RASGRP3: variants seen among roughly 807,000 people sequenced by gnomAD.
RASGRP3 encodes the protein RAS guanyl releasing protein 3.
Under a neutral mutation model 82.7 loss-of-function variants are expected in RASGRP3, and 54 were observed. That is an observed-to-expected ratio of 0.65 (90% confidence interval 0.52 to 0.82). RASGRP3 has a LOEUF of 0.82. Ranked by LOEUF, RASGRP3 falls within the 40% of genes least tolerant of loss-of-function variation. The probability of loss-of-function intolerance (pLI) is 0.00; values close to 1 mark genes in which losing one functional copy is unlikely to be tolerated. For synonymous variants in RASGRP3, 309 were observed against 300.5 expected (o/e 1.03, Z -0.29); for missense variants, 861 against 828.9 (o/e 1.04, Z -0.48).
intron 2 of RASGRP3, among the ~76,000 whole-genome samples, chr2:33,454,750 A>G (rs1665955431): frequency 6.6e-6 from 1 of 152,206 alleles, no homozygotes; most frequent in Non-Finnish European, 1.5e-5. Context: ...AGGCAGACAT[A>G]TTACACTTGA....
intron 9 of RASGRP3, among the ~76,000 whole-genome samples, chr2:33,525,593 T>C (rs1672467720): frequency 6.8e-6 from 1 of 147,682 alleles, no homozygotes; most frequent in Admixed American, 7.0e-5. Flanking sequence ...TCAGGCGTGG[T>C]GGCTCACACC....
chr2:33,444,941 A>G (rs1179004006), intron 1 of RASGRP3, among the ~76,000 whole-genome samples: 1 of 152,262 alleles, frequency 6.6e-6, no homozygotes. Context: ...CATTATAGAC[A>G]TTATGCTCCT....
At chr2:33,440,880 C>G (rs1463796055) in intron 1 of RASGRP3, among the ~76,000 whole-genome samples, 3 of 151,740 alleles carry the variant, frequency 2.0e-5, no homozygotes, top group African/African-American at 7.3e-5. Context: ...GACATTAGAT[C>G]TCCAAACTTG....
At chr2:33,476,355 C>T (rs1433286007), upstream of RASGRP3, 1 of 152,228 alleles carries the variant, frequency 6.6e-6, no homozygotes, top group East Asian at 1.9e-4. Context: ...CACACACACA[C>T]GCAAACACAT....
At chr2:33,489,402 G>C (rs894769498) in intron 1 of RASGRP3, among the ~76,000 whole-genome samples, 1 of 152,166 alleles carries the variant, frequency 6.6e-6, no homozygotes, top group Admixed American at 6.5e-5. Context: ...CAAATGGCCA[G>C]TCCTTCAGAA....
intron 1 of RASGRP3, among the ~76,000 whole-genome samples, chr2:33,479,992 G>T (rs1667744798): frequency 6.6e-6 from 1 of 151,874 alleles, no homozygotes; most frequent in Non-Finnish European, 1.5e-5. Flanking sequence ...AGGTCGTTCT[G>T]GCAAGATTAC....
chr2:33,536,770 ATCCCT>A (rs963714697), intron 11 of RASGRP3, among the ~76,000 whole-genome samples: 6 of 152,124 alleles, frequency 3.9e-5, no homozygotes, highest in African/African-American at 1.4e-4. Flanking sequence ...AGTTCCCTGG[ATCCCT>A]TCACTGAGAC....
At chr2:33,475,595 G>C (rs1295512326), upstream of RASGRP3, among the ~76,000 whole-genome samples, 1 of 152,138 alleles carries the variant, frequency 6.6e-6, no homozygotes, top group Non-Finnish European at 1.5e-5. Flanking sequence ...TGAAGGGCAG[G>C]CTCAGACACT....
At chr2:33,520,819 G>A in intron 6 of RASGRP3, 135 bp downstream of exon 6, 2 of 1,226,230 alleles carry the variant, frequency 1.6e-6, no homozygotes, top group Non-Finnish European at 2.3e-6. Context: ...CCTTGCTGCA[G>A]TGAGCGCAAG....
chr2:33,441,240 T>G (rs1284623319), intron 1 of RASGRP3, among the ~76,000 whole-genome samples: 5 of 152,198 alleles, frequency 3.3e-5, no homozygotes, highest in Non-Finnish European at 2.9e-5. Context: ...TTGACCTATA[T>G]GTCCCCATTT....
chr2:33,547,796 G>C (rs540250858), intron 13 of RASGRP3, among the ~76,000 whole-genome samples: 1 of 152,218 alleles, frequency 6.6e-6, no homozygotes, highest in South Asian at 2.1e-4. Context: ...GCATTGAAAG[G>C]AGTCAGAGGG....
intron 15 of RASGRP3, 95 bp downstream of exon 15, chr2:33,555,662 T>C: frequency 1.8e-6 from 2 of 1,134,144 alleles, no homozygotes; most frequent in Admixed American, 2.1e-5. Context: ...CTTGCCATTA[T>C]TCGGAATTTC....
At chr2:33,532,190 T>C (rs1308487540) in intron 10 of RASGRP3, 1 of 152,212 alleles carries the variant, frequency 6.6e-6, no homozygotes, top group East Asian at 1.9e-4. Flanking sequence ...TCCTAAACTT[T>C]TGTCGTTGTT....
At chr2:33,534,793 G>A (rs143442235) in intron 11 of RASGRP3, among the ~76,000 whole-genome samples, 5 of 149,652 alleles carry the variant, frequency 3.3e-5, no homozygotes, top group African/African-American at 7.4e-5. Context: ...TCCGCTTGCC[G>A]TGGCCATTAC....
chr2:33,555,650 C>G (rs1354311676), intron 15 of RASGRP3, 83 bp downstream of exon 15: 10 of 1,204,714 alleles, frequency 8.3e-6, no homozygotes, highest in Non-Finnish European at 1.1e-5. Flanking sequence ...ACTACAAAAG[C>G]TCTTGCCATT....
chr2:33,549,542 G>T (rs1398836269), intron 13 of RASGRP3, 62 bp from the exon 14 acceptor site: 1 of 1,492,670 alleles, frequency 6.7e-7, no homozygotes, highest in African/African-American at 1.4e-5. Flanking sequence ...TGATTAAAGT[G>T]TGGCAACTAC....
intron 3 of RASGRP3, 117 bp downstream of exon 3, chr2:33,515,323 C>T: frequency 9.4e-7 from 1 of 1,058,434 alleles, no homozygotes; most frequent in Non-Finnish European, 1.4e-6. Flanking sequence ...GTATTTAAGG[C>T]CTTTCGGATG....
intron 17 of RASGRP3, among the ~76,000 whole-genome samples, chr2:33,559,823 T>G (rs1676451934): frequency 6.6e-6 from 1 of 152,192 alleles, no homozygotes; most frequent in Admixed American, 6.5e-5. Context: ...TGCTCTTTAG[T>G]CTTATGGGTG....
chr2:33,554,938 C>T (rs1433616648), intron 14 of RASGRP3: 1 of 152,266 alleles, frequency 6.6e-6, no homozygotes, highest in African/African-American at 2.4e-5. Flanking sequence ...ACGAGGATGT[C>T]ACAGACTCCT....
Sources: gnomAD v4.1 joint callset for allele counts (sites outside exome capture counted in the v4.1 genomes callset) on GRCh38, gnomAD v4.1.1 for gene constraint, MANE v1.5 for transcripts, NCBI Gene and HGNC (gene_info 2026-07-23, HGNC 2026-07-21) for gene names.